The following ALOX5 variants were observed in gnomAD, a reference collection of about 807,000 sequenced individuals.
ALOX5 encodes polyunsaturated fatty acid 5-lipoxygenase.
A neutral mutation model predicts 87.9 loss-of-function variants in ALOX5; 64 were observed. The ratio of observed to expected loss-of-function variants is 0.73; its 90% confidence interval spans 0.60 to 0.90. The LOEUF (loss-of-function observed/expected upper bound fraction) is 0.90. Among genes scored for constraint, ALOX5 ranks in the 40% least tolerant of loss-of-function variants. The pLI is 0.00. For missense variants in ALOX5, 822 were observed against 907.5 expected (o/e 0.91, Z 1.21); for synonymous variants, 388 against 355.1 (o/e 1.09, Z -1.04).
chr10:45,437,744 G>A (rs1018240033), intron 7 of ALOX5, among the ~76,000 whole-genome samples: 1 of 152,190 alleles, frequency 6.6e-6, no homozygotes, highest in Non-Finnish European at 1.5e-5. Flanking sequence ...AAAGTTTTAA[G>A]TTATTAGCCA....
intron 4 of ALOX5, among the ~76,000 whole-genome samples, chr10:45,419,329 C>T (rs536761513): frequency 1.3e-5 from 2 of 152,300 alleles, no homozygotes; most frequent in South Asian, 4.1e-4. Context: ...ACAAGGGACG[C>T]TGGGCACGAA....
chr10:45,390,814 T>C (rs1372355734), intron 2 of ALOX5, among the ~76,000 whole-genome samples: 3 of 152,078 alleles, frequency 2.0e-5, no homozygotes, highest in Admixed American at 2.0e-4. Flanking sequence ...ATTCAAAAGC[T>C]AGCAGAAGGC....
At position 45,382,648 on chromosome 10, in the gene ALOX5, G is replaced by A. The variant is rs761701701; in HGVS notation, c.316G>A (p.Gly106Ser). 45 of 1,613,618 alleles carry A rather than the reference G, an allele frequency of 2.8e-5. No individual in the cohort carries two copies. The highest frequency in any genetic ancestry group is 5.0e-5 in the Admixed American group (3 of 59,942). The change falls in exon 2 of 14, where the codon GGC becomes AGC. Residue 106 changes from glycine (G) to serine (S), a missense_variant. By Grantham distance (56) the Gly-to-Ser change is moderately conservative. Transcript: ENST00000374391. ...IEFPCYRWIT[G>S]DVEVVLRDGR... ...GTTCCCCTGCTACCGCTGGATCACC[G>A]GCGATGTCGAGGTTGTCCTGAGGGA...
Position 45,395,560 on chromosome 10 carries a change from C to A in ALOX5, c.350-295C>A, listed in dbSNP as rs569472057. On this transcript the variant is annotated intron_variant, in intron 2 of 13. Coordinates refer to ENST00000374391, the MANE Select transcript of ALOX5 (RefSeq NM_000698.5). ...ACATGACACATGTATACATATGTAA[C>A]AAACCTGCACGTTGTGCACATGTAT... is the stretch of plus-strand genomic sequence containing the variant. Among the ~76,000 whole-genome samples, 6 of 150,966 alleles carry A rather than the reference C, an allele frequency of 4.0e-5. No individual in the cohort carries two copies. In the East Asian group the frequency reaches 1.2e-3, roughly 29 times the overall value.
chr10:45,428,954 C>A (rs527972686), intron 7 of ALOX5, among the ~76,000 whole-genome samples, 190 bp downstream of exon 7: 30 of 152,098 alleles, frequency 2.0e-4, no homozygotes, highest in Non-Finnish European at 3.7e-4. Flanking sequence ...CTTGAGAAGC[C>A]CCTGGCCAGT....
chr10:45,374,914 G>A (rs542260405), intron 1 of ALOX5, among the ~76,000 whole-genome samples: 2 of 152,304 alleles, frequency 1.3e-5, no homozygotes, highest in African/African-American at 4.8e-5. Flanking sequence ...TGAGCCGTGG[G>A]GAAGGGTGCA....
At chr10:45,424,638 G>A (rs1841628856) in intron 5 of ALOX5, among the ~76,000 whole-genome samples, 1 of 152,158 alleles carries the variant, frequency 6.6e-6, no homozygotes, top group African/African-American at 2.4e-5. Flanking sequence ...TCAGGACATG[G>A]GGAACCAAAC....
chr10:45,443,887 C>A (rs1297604248), intron 12 of ALOX5, 59 bp downstream of exon 12: 1 of 1,529,194 alleles, frequency 6.5e-7, no homozygotes, highest in Non-Finnish European at 8.8e-7. Flanking sequence ...GCCTCCTCCC[C>A]CGCCCCGGTT....
chr10:45,421,114 T>C (rs1292139211), intron 4 of ALOX5, among the ~76,000 whole-genome samples: 1 of 152,226 alleles, frequency 6.6e-6, no homozygotes, highest in East Asian at 1.9e-4. Flanking sequence ...GCTTGCAGGG[T>C]CCTTCTTTTT....
intron 7 of ALOX5, among the ~76,000 whole-genome samples, chr10:45,435,284 A>T (rs1842029526): frequency 1.3e-5 from 2 of 151,912 alleles, no homozygotes; most frequent in South Asian, 4.1e-4. Context: ...TTAATATATA[A>T]AATTTTAGAT....
At chr10:45,432,645 A>G (rs1841944231) in intron 7 of ALOX5, among the ~76,000 whole-genome samples, 1 of 152,214 alleles carries the variant, frequency 6.6e-6, no homozygotes, top group Non-Finnish European at 1.5e-5. Flanking sequence ...ACAAAAATAA[A>G]TCTCATCATG....
intron 4 of ALOX5, among the ~76,000 whole-genome samples, chr10:45,421,570 G>A (rs532236149): frequency 6.6e-6 from 1 of 152,350 alleles, no homozygotes; most frequent in South Asian, 2.1e-4. Flanking sequence ...TCCTAGCCCA[G>A]AACACTCAGC....
intron 4 of ALOX5, among the ~76,000 whole-genome samples, chr10:45,421,631 C>T (rs1046789919): frequency 6.6e-6 from 1 of 152,250 alleles, no homozygotes; most frequent in Non-Finnish European, 1.5e-5. Flanking sequence ...AAAGAAGCTT[C>T]TCTGGGTATT....
At chr10:45,394,004 G>A (rs1301981500) in intron 2 of ALOX5, among the ~76,000 whole-genome samples, 2 of 152,130 alleles carry the variant, frequency 1.3e-5, no homozygotes, top group South Asian at 2.1e-4. Flanking sequence ...TAGGAAGAAT[G>A]AATATCATAA....
intron 3 of ALOX5, among the ~76,000 whole-genome samples, chr10:45,411,259 A>G (rs1253341743): frequency 6.6e-6 from 1 of 152,122 alleles, no homozygotes; most frequent in Non-Finnish European, 1.5e-5. Flanking sequence ...TCTTTACCAC[A>G]ACCCATTTTA....
chr10:45,443,635 CG>C (rs555530069), intron 11 of ALOX5, 92 bp from the exon 12 acceptor site: 21,214 of 1,593,804 alleles, frequency 0.013, 178 homozygotes, highest in Non-Finnish European at 0.014. Flanking sequence ...GGGTGCCCTC[CG>C]GCCTTGGGGC....
At position 45,387,194 on chromosome 10, in the gene ALOX5, G is replaced by C. The variant is rs371150083; in HGVS notation, c.349+4513G>C. ...TTGGTCACACAGCTTCAGTGACAGA[G>C]CCCAAGTCCAAGCACATGTGTCTCT... On this transcript the variant is annotated intron_variant, in intron 2 of 13. Coordinates refer to ENST00000374391, the MANE Select transcript of ALOX5 (RefSeq NM_000698.5). Among the ~76,000 whole-genome samples, 13 of 152,238 alleles carry C rather than the reference G, an allele frequency of 8.5e-5. 2 individuals carry two copies. Among genetic ancestry groups the C allele is most frequent in the Admixed American group, 2.6e-4 (4 of 15,294 alleles).
chr10:45,411,657 C>T (rs1183700843), intron 3 of ALOX5, among the ~76,000 whole-genome samples: 1 of 152,126 alleles, frequency 6.6e-6, no homozygotes, highest in Non-Finnish European at 1.5e-5. Context: ...GCCATCTGTG[C>T]CTGGGTCCCT....
rs578261642 is a variant in ALOX5 at position 45,428,515 on chromosome 10, A to G, written c.835-103A>G. ...CACATTCTGAGCTCCGCTGAGTCGCAGGAAAGGGAGAGGGGTGCCCAGAGG... is the reference window on the plus strand; with the variant it reads ...CACATTCTGAGCTCCGCTGAGTCGCGGGAAAGGGAGAGGGGTGCCCAGAGG... On this transcript the variant is annotated intron_variant, in intron 6 of 13. Coordinates refer to ENST00000374391, the MANE Select transcript of ALOX5 (RefSeq NM_000698.5). 7 of 1,430,850 alleles carry G rather than the reference A, an allele frequency of 4.9e-6. No homozygotes were observed. In the Admixed American group the frequency reaches 7.3e-5, roughly 15 times the overall value. The allele number at this position is 1,430,850 out of a possible 1,614,324, so 88.6% of individuals were successfully genotyped here.
Sources: allele counts gnomAD v4.1 joint callset (sites outside exome capture counted in the v4.1 genomes callset), GRCh38; gene constraint gnomAD v4.1.1; transcripts MANE v1.5; gene names NCBI Gene and HGNC (gene_info 2026-07-23, HGNC 2026-07-21).